FAM227B: variants seen among roughly 807,000 people sequenced by gnomAD.
The protein encoded by FAM227B is protein FAM227B.
FAM227B carries 88 observed loss-of-function variants against 73.8 expected under a neutral mutation model. The observed-to-expected ratio is 1.19, with a 90% CI of 1.00 to 1.42. The LOEUF (loss-of-function observed/expected upper bound fraction) is 1.42. Ranked by LOEUF, FAM227B falls within the 40% of genes most tolerant of loss-of-function variation. FAM227B has a pLI of 0.00. For synonymous variants in FAM227B, 210 were observed against 190.5 expected, an observed-to-expected ratio of 1.10 and a Z score of -0.84; for missense variants, 632 against 590.9, an observed-to-expected ratio of 1.07 and a Z score of -0.72.
At chr15:49,364,210 C>A (rs951895623) in intron 13 of FAM227B, among the ~76,000 whole-genome samples, 3 of 152,114 alleles carry the variant, frequency 2.0e-5, no homozygotes, top group African/African-American at 7.2e-5. Context: ...CTTTATATAT[C>A]TGGTGGAATT....
At chr15:49,513,226 G>T (rs994724623) in intron 10 of FAM227B, among the ~76,000 whole-genome samples, 1 of 152,112 alleles carries the variant, frequency 6.6e-6, no homozygotes, top group Non-Finnish European at 1.5e-5. Flanking sequence ...CACCAACAAT[G>T]TAAAAGTGTT....
At chr15:49,447,397 G>A (rs562974491) in intron 11 of FAM227B, among the ~76,000 whole-genome samples, 15 of 151,778 alleles carry the variant, frequency 9.9e-5, no homozygotes, top group African/African-American at 3.6e-4. Flanking sequence ...GAGCTAGTTA[G>A]TGATAGAGTC....
At chr15:49,612,997 G>A (rs1598568504) in intron 2 of FAM227B, among the ~76,000 whole-genome samples, 2 of 152,128 alleles carry the variant, frequency 1.3e-5, no homozygotes, top group Admixed American at 1.3e-4. Context: ...ATGGTTGCCA[G>A]AGGCCGAGAA....
intron 10 of FAM227B, among the ~76,000 whole-genome samples, chr15:49,526,303 T>C (rs2060198321): frequency 6.6e-6 from 1 of 152,040 alleles, no homozygotes; most frequent in African/African-American, 2.4e-5. Context: ...TGAAGGACTT[T>C]TGGGTAAAAA....
In FAM227B at chr15:49,463,045, T is replaced by C. The variant is rs1291449359; in HGVS notation, c.1012+45166A>G. 2.6e-5 allele frequency among the ~76,000 whole-genome samples: 4 copies of C among 152,294 alleles called. No individual in the cohort carries two copies. In the South Asian group the frequency reaches 6.2e-4, roughly 24 times the overall value. On this transcript the variant is annotated intron_variant, in intron 11 of 15. Coordinates refer to ENST00000299338, the MANE Select transcript of FAM227B (RefSeq NM_152647.3). Reference sequence around the variant, plus strand: ...ACTCAAAATAGATTCAGGATCTATATGAACCATTTATGGAAATATAACCTG... The same window carrying C: ...ACTCAAAATAGATTCAGGATCTATACGAACCATTTATGGAAATATAACCTG...
intron 11 of FAM227B, among the ~76,000 whole-genome samples, chr15:49,391,948 CGT>C (rs1405674938): frequency 6.6e-6 from 1 of 152,036 alleles, no homozygotes; most frequent in Non-Finnish European, 1.5e-5. Context: ...TTACTGCAAA[CGT>C]TGGTGTGGGT....
intron 11 of FAM227B, among the ~76,000 whole-genome samples, chr15:49,406,513 T>G (rs1254067925): frequency 6.6e-6 from 1 of 151,218 alleles, no homozygotes; most frequent in South Asian, 2.1e-4. Flanking sequence ...GGGGAGGGTC[T>G]GCTGTTCTCC....
At chr15:49,489,860 TTATA>T (rs796167274) in intron 11 of FAM227B, among the ~76,000 whole-genome samples, 87 of 6,782 alleles carry the variant, frequency 0.013, 3 homozygotes, top group African/African-American at 0.023. Context: ...TATATATATT[TTATA>T]TATATATATA....
intron 13 of FAM227B, among the ~76,000 whole-genome samples, chr15:49,352,182 G>A (rs2042352187): frequency 6.6e-6 from 1 of 152,194 alleles, no homozygotes; most frequent in African/African-American, 2.4e-5. Context: ...CTAGTTCCAA[G>A]AGCAAGCATC....
intron 10 of FAM227B, among the ~76,000 whole-genome samples, chr15:49,529,360 T>G (rs752504086): frequency 1.3e-5 from 2 of 151,598 alleles, no homozygotes; most frequent in Non-Finnish European, 3.0e-5. Context: ...AAAAATGAAC[T>G]ATTGGGTACT....
intron 15 of FAM227B, 105 bp downstream of exon 15, chr15:49,331,675 C>G: frequency 1.4e-6 from 1 of 711,498 alleles, no homozygotes; most frequent in Non-Finnish European, 2.5e-6. Flanking sequence ...TCTCCTGCCA[C>G]TGTAATTTGG....
intron 11 of FAM227B, among the ~76,000 whole-genome samples, chr15:49,374,216 C>T (rs2046014360): frequency 6.6e-6 from 1 of 152,048 alleles, no homozygotes; most frequent in Non-Finnish European, 1.5e-5. Context: ...ACCTGAGACC[C>T]AAGCCTGATA....
intron 11 of FAM227B, among the ~76,000 whole-genome samples, chr15:49,433,263 ATTCT>A (rs907695156): frequency 6.6e-6 from 1 of 151,424 alleles, no homozygotes; most frequent in Non-Finnish European, 1.5e-5. Flanking sequence ...TTGTCTTATG[ATTCT>A]TTCTGTTTGC....
chr15:49,611,073 A>AT (rs1205695762), intron 3 of FAM227B, 142 bp downstream of exon 3: 1 of 530,594 alleles, frequency 1.9e-6, no homozygotes, highest in Admixed American at 3.2e-5. Flanking sequence ...CTCAAAGGAC[A>AT]TAAGTATTTA....
chr15:49,491,749 T>C (rs1235679132), intron 11 of FAM227B, among the ~76,000 whole-genome samples: 1 of 151,522 alleles, frequency 6.6e-6, no homozygotes, highest in Non-Finnish European at 1.5e-5. Flanking sequence ...ATATATGCAA[T>C]GTTTATGTAT....
intron 9 of FAM227B, among the ~76,000 whole-genome samples, chr15:49,567,318 C>T (rs981349877): frequency 6.6e-6 from 1 of 152,128 alleles, no homozygotes; most frequent in South Asian, 2.1e-4. Flanking sequence ...TCAACCTCTT[C>T]ATGTGATATA....
intron 9 of FAM227B, among the ~76,000 whole-genome samples, chr15:49,548,475 G>GTTTTC (rs979146503): frequency 6.6e-6 from 1 of 152,084 alleles, no homozygotes; most frequent in African/African-American, 2.4e-5. Flanking sequence ...CTGGTCTGTA[G>GTTTTC]TTTTCTTTTC....
At chr15:49,570,522 T>C (rs995608228) in intron 8 of FAM227B, among the ~76,000 whole-genome samples, 3 of 151,886 alleles carry the variant, frequency 2.0e-5, no homozygotes, top group Admixed American at 6.6e-5. Flanking sequence ...AAATTTGAAA[T>C]GTATTATTTA....
intron 3 of FAM227B, among the ~76,000 whole-genome samples, chr15:49,595,169 T>A (rs2153277449): frequency 6.6e-6 from 1 of 152,080 alleles, no homozygotes; most frequent in East Asian, 1.9e-4. Context: ...CTAAGTATTT[T>A]TAATTTTATT....
Sources: gnomAD v4.1 joint callset for allele counts (sites outside exome capture counted in the v4.1 genomes callset) on GRCh38, gnomAD v4.1.1 for gene constraint, MANE v1.5 for transcripts, NCBI Gene and HGNC (gene_info 2026-07-23, HGNC 2026-07-21) for gene names.